Variants in POU6F2 observed in about 807,000 individuals in gnomAD.
The protein encoded by POU6F2 is POU domain, class 6, transcription factor 2.
In POU6F2, 31 loss-of-function variants were observed where a neutral mutation model predicts 71.3. The ratio of observed to expected loss-of-function variants is 0.43; its 90% CI spans 0.33 to 0.59. POU6F2 has a LOEUF of 0.59. Among genes scored for constraint, POU6F2 ranks in the 20% least tolerant of loss-of-function variants. The pLI, the probability that POU6F2 is intolerant of heterozygous loss-of-function variation, is 0.04. For missense variants in POU6F2, 783 were observed against 856.8 expected (o/e 0.91, Z 1.07); for synonymous variants, 347 against 355.7 (o/e 0.98, Z 0.27).
chr7:39,088,310 GT>G (rs1204982861), intron 2 of POU6F2, among the ~76,000 whole-genome samples: 2 of 151,878 alleles, frequency 1.3e-5, no homozygotes, highest in African/African-American at 4.9e-5. Flanking sequence ...GCAGGGGCCT[GT>G]TTTGCTCTTA....
intron 1 of POU6F2, among the ~76,000 whole-genome samples, chr7:39,034,018 T>C (rs1208581165): frequency 2.0e-5 from 3 of 152,210 alleles, no homozygotes; most frequent in Non-Finnish European, 4.4e-5. Flanking sequence ...TGTGCGTAAA[T>C]AACTTTCTTC....
chr7:39,240,535 A>G (rs1783703949), intron 4 of POU6F2, among the ~76,000 whole-genome samples: 1 of 152,136 alleles, frequency 6.6e-6, no homozygotes, highest in African/African-American at 2.4e-5. Flanking sequence ...ACCAGTTCCT[A>G]CCAATCAACT....
chr7:39,281,498 C>A (rs551143669), intron 4 of POU6F2, among the ~76,000 whole-genome samples: 112 of 152,158 alleles, frequency 7.4e-4, no homozygotes, highest in African/African-American at 2.5e-3. Context: ...ATTCTACTTT[C>A]TATTTCTATG....
intron 2 of POU6F2, among the ~76,000 whole-genome samples, chr7:39,175,755 C>T (rs943336041): frequency 6.6e-6 from 1 of 152,084 alleles, no homozygotes; most frequent in Non-Finnish European, 1.5e-5. Flanking sequence ...ACCCTTAACA[C>T]CCACTTCTCC....
intron 5 of POU6F2, among the ~76,000 whole-genome samples, chr7:39,363,322 C>T (rs1447503754): frequency 6.6e-6 from 1 of 151,926 alleles, no homozygotes; most frequent in East Asian, 1.9e-4. Flanking sequence ...TATGAAGTTC[C>T]CCATTGATCG....
intron 4 of POU6F2, among the ~76,000 whole-genome samples, chr7:39,323,231 G>T (rs1785433900): frequency 6.6e-6 from 1 of 152,126 alleles, no homozygotes; most frequent in South Asian, 2.1e-4. Flanking sequence ...TCCCCTCATA[G>T]AATTTCAGGA....
intron 1 of POU6F2, among the ~76,000 whole-genome samples, chr7:39,073,063 C>T (rs553598306): frequency 2.6e-5 from 4 of 152,214 alleles, no homozygotes; most frequent in African/African-American, 7.2e-5. Context: ...GTTTCTAGAT[C>T]TTTACATTTC....
intron 1 of POU6F2, among the ~76,000 whole-genome samples, chr7:39,064,906 A>G (rs888662778): frequency 1.3e-5 from 2 of 151,886 alleles, no homozygotes; most frequent in Non-Finnish European, 3.0e-5. Flanking sequence ...AAATAACAAG[A>G]CTTAAAAATA....
At chr7:39,388,726 A>C (rs761243106) in intron 5 of POU6F2, among the ~76,000 whole-genome samples, 21 of 152,208 alleles carry the variant, frequency 1.4e-4, no homozygotes, top group Non-Finnish European at 2.6e-4. Flanking sequence ...AAAGAGAGAG[A>C]AAAGTCTTTA....
intron 5 of POU6F2, among the ~76,000 whole-genome samples, chr7:39,383,789 T>C (rs1786879011): frequency 6.6e-6 from 1 of 152,208 alleles, no homozygotes; most frequent in East Asian, 1.9e-4. Context: ...TTACCAAACC[T>C]ACTGAGAAAG....
chr7:39,385,278 G>A (rs1276794159), intron 5 of POU6F2, among the ~76,000 whole-genome samples: 1 of 152,206 alleles, frequency 6.6e-6, no homozygotes, highest in African/African-American at 2.4e-5. Flanking sequence ...TGTCACGAAT[G>A]ACTGCTTTTT....
At chr7:39,171,761 C>T (rs1270864173) in intron 2 of POU6F2, among the ~76,000 whole-genome samples, 1 of 152,174 alleles carries the variant, frequency 6.6e-6, no homozygotes, top group Admixed American at 6.5e-5. Flanking sequence ...CCTGTGTAGA[C>T]AGCAGCACCA....
intron 6 of POU6F2, among the ~76,000 whole-genome samples, chr7:39,409,159 C>A (rs1787497662): frequency 6.6e-6 from 1 of 152,210 alleles, no homozygotes; most frequent in South Asian, 2.1e-4. Flanking sequence ...CTGCATAGCA[C>A]TTTCCCAGAA....
intron 2 of POU6F2, among the ~76,000 whole-genome samples, chr7:39,100,749 G>T (rs1324915217): frequency 6.6e-6 from 1 of 152,100 alleles, no homozygotes; most frequent in Non-Finnish European, 1.5e-5. Context: ...ATTTATAGCT[G>T]TATCGCCCCT....
chr7:39,167,420 G>C (rs1254367400), intron 2 of POU6F2, among the ~76,000 whole-genome samples: 1 of 151,900 alleles, frequency 6.6e-6, no homozygotes, highest in African/African-American at 2.4e-5. Flanking sequence ...TTACCTTTGG[G>C]TCATTTGTAA....
intron 1 of POU6F2, among the ~76,000 whole-genome samples, chr7:39,042,628 T>G (rs761410936): frequency 3.9e-5 from 6 of 152,034 alleles, no homozygotes; most frequent in Non-Finnish European, 8.8e-5. Flanking sequence ...ACCTAGCCTA[T>G]GCTGACTGTC....
chr7:39,005,484 C>CTGTGTGTGTGTGTGTGTGTGTGTGTGTG (rs56984287), intron 1 of POU6F2, among the ~76,000 whole-genome samples: 2,187 of 126,504 alleles, frequency 0.017, 79 homozygotes, highest in Middle Eastern at 0.028. Context: ...AGGGAGAAAC[C>CTGTGTGTGTGTGTGTGTGTGTGTGTGTG]TGTGTGTGTG....
chr7:39,267,632 T>C (rs1185932645), intron 4 of POU6F2, among the ~76,000 whole-genome samples: 1 of 141,198 alleles, frequency 7.1e-6, no homozygotes, highest in Non-Finnish European at 1.6e-5. Flanking sequence ...TTTAAAAATA[T>C]TTTATTTATT....
chr7:39,287,228 C>T (rs949610112), intron 4 of POU6F2, among the ~76,000 whole-genome samples: 1 of 152,168 alleles, frequency 6.6e-6, no homozygotes, highest in African/African-American at 2.4e-5. Context: ...CTTCCTCAAA[C>T]CAGCTCATCG....
Sources: gnomAD v4.1 joint callset for allele counts (sites outside exome capture counted in the v4.1 genomes callset) on GRCh38, gnomAD v4.1.1 for gene constraint, MANE v1.5 for transcripts, NCBI Gene and HGNC (gene_info 2026-07-23, HGNC 2026-07-21) for gene names.